LSP1: variants seen among roughly 807,000 people sequenced by gnomAD.
LSP1 encodes lymphocyte specific protein 1, also known as lymphocyte-specific protein 1.
In LSP1, 32 loss-of-function variants were observed where a neutral mutation model predicts 49.3. The ratio of observed to expected loss-of-function variants is 0.65; its 90% CI spans 0.49 to 0.87. LSP1 has a LOEUF of 0.87. LSP1 is among the 40% of genes least tolerant of loss of function. LSP1 has a pLI of 0.00. For synonymous variants in LSP1, 179 were observed against 178.8 expected (o/e 1.00, Z -0.01); for missense variants, 428 against 442.6 (o/e 0.97, Z 0.30).
At chr11:1,865,059 C>A in intron 1 of LSP1, 1 of 292,226 alleles carries the variant, frequency 3.4e-6, no homozygotes, top group Non-Finnish European at 5.1e-6. Context: ...GGCAGGAAAG[C>A]CAAGGAGAGC....
At chr11:1,872,040 C>A (rs1848040365) in intron 1 of LSP1, among the ~76,000 whole-genome samples, 1 of 139,618 alleles carries the variant, frequency 7.2e-6, no homozygotes, top group African/African-American at 2.7e-5. Flanking sequence ...GGCAGGCAGG[C>A]CTGGGCTATA....
chr11:1,861,034 TC>T (rs1376320295), intron 1 of LSP1, among the ~76,000 whole-genome samples: 1 of 152,194 alleles, frequency 6.6e-6, no homozygotes, highest in African/African-American at 2.4e-5. Flanking sequence ...GACAATTGAA[TC>T]CGTGCTGAGT....
Position 1,866,598 on chromosome 11 carries a change from GC to G in LSP1, c.53+13407del, listed in dbSNP as rs773152256. 5 of 1,549,716 alleles carry G rather than the reference GC, an allele frequency of 3.2e-6. No homozygotes were observed. The African/African-American group carries it at 5.5e-5, about 17-fold the overall frequency. ...TCATCCCAGCCTCCCCCTACCCCTG[GC>G]CCCCCATAAGCCTCCTCCTCCTGGG... On this transcript the variant is annotated intron_variant, in intron 1 of 10. Coordinates refer to ENST00000311604, the MANE Select transcript of LSP1 (RefSeq NM_002339.3).
At chr11:1,886,684 A>G (rs1848763653) in intron 7 of LSP1, 48 bp from the exon 8 acceptor site, 1 of 1,560,180 alleles carries the variant, frequency 6.4e-7, no homozygotes, top group Admixed American at 1.8e-5. Context: ...TGATGTGACC[A>G]CGGTGGCTGT....
Position 1,884,587 on chromosome 11 carries a change from A to T in LSP1, c.717+6A>T. On this transcript the variant is annotated splice_donor_region_variant and intron_variant, in intron 7 of 10. Transcript: ENST00000311604. This position sits in a 1 kb window ranked among gnomAD's most constrained non-coding sequence, Gnocchi z 4.1. ...AATACACCCAGGCCATCGAGGTATG[A>T]CCTGGCTCCCCTCTGCTGTCAGGTC... is the stretch of plus-strand genomic sequence containing the variant. The T allele has an allele frequency of 6.2e-7, 1 of 1,612,784 alleles. No homozygotes were observed.
At chr11:1,855,450 C>T (rs535609064) in intron 1 of LSP1, among the ~76,000 whole-genome samples, 1 of 152,336 alleles carries the variant, frequency 6.6e-6, no homozygotes, top group African/African-American at 2.4e-5. Context: ...GGCCAAGCCC[C>T]TCCAGCTGGA....
intron 3 of LSP1, 146 bp from the exon 4 acceptor site, chr11:1,883,273 T>A (rs1048900596): frequency 3.0e-6 from 3 of 994,064 alleles, no homozygotes; most frequent in African/African-American, 1.6e-5. Context: ...TCTTTCCCAA[T>A]GGGCTTGGGT....
At chr11:1,867,402 A>T (rs1847831114) in intron 1 of LSP1, among the ~76,000 whole-genome samples, 1 of 121,004 alleles carries the variant, frequency 8.3e-6, no homozygotes, top group Non-Finnish European at 1.6e-5. Flanking sequence ...TACTGCGCTC[A>T]CCACCACTGC....
At chr11:1,883,131 C>T (rs1449916243) in intron 3 of LSP1, among the ~76,000 whole-genome samples, 1 of 152,220 alleles carries the variant, frequency 6.6e-6, no homozygotes, top group Non-Finnish European at 1.5e-5. Flanking sequence ...GGGGATTGAA[C>T]CCAGCCTCAG....
chr11:1,869,900 T>G (rs941252132), intron 1 of LSP1, among the ~76,000 whole-genome samples: 1 of 151,892 alleles, frequency 6.6e-6, no homozygotes, highest in African/African-American at 2.4e-5. Flanking sequence ...GAGCAGCACC[T>G]CTTCTGGCCT....
intron 2 of LSP1, chr11:1,880,998 TG>T: frequency 6.5e-6 from 1 of 153,178 alleles, no homozygotes; most frequent in Non-Finnish European, 1.4e-5. Context: ...CCCAGAGTGA[TG>T]GGGGAGGCAC....
chr11:1,865,122 C>A, intron 1 of LSP1: 2 of 853,674 alleles, frequency 2.3e-6, no homozygotes, highest in Non-Finnish European at 2.8e-6. Context: ...GGAGGGCCAG[C>A]AGGACAGGAG....
At chr11:1,853,845 G>T (rs1352667833) in intron 1 of LSP1, among the ~76,000 whole-genome samples, 2 of 152,196 alleles carry the variant, frequency 1.3e-5, no homozygotes, top group Non-Finnish European at 2.9e-5. Context: ...GTGTAGGACT[G>T]CCAGAGCTGG....
chr11:1,865,192 A>G, intron 1 of LSP1: 1 of 985,854 alleles, frequency 1.0e-6, no homozygotes, highest in Non-Finnish European at 1.2e-6. Flanking sequence ...GCCTGAGCAG[A>G]GGCTGCAGCC....
intron 10 of LSP1, chr11:1,889,307 G>T: frequency 1.4e-6 from 1 of 706,460 alleles, no homozygotes; most frequent in South Asian, 1.5e-5. Context: ...GGCTGGCTGG[G>T]GTGTGCTCCC....
chr11:1,874,832 G>A (rs553435705), intron 1 of LSP1, among the ~76,000 whole-genome samples: 1 of 152,208 alleles, frequency 6.6e-6, no homozygotes, highest in South Asian at 2.1e-4. Context: ...GCTGCCCCAT[G>A]GTGAGGAAAC....
At chr11:1,882,091 C>CG in intron 3 of LSP1, among the ~76,000 whole-genome samples, 1 of 152,312 alleles carries the variant, frequency 6.6e-6, no homozygotes, top group Admixed American at 6.5e-5. Flanking sequence ...GCCGGAGAGT[C>CG]GGCCGGGAGG....
At chr11:1,890,310 G>A in intron 10 of LSP1, 3 of 711,440 alleles carry the variant, frequency 4.2e-6, no homozygotes, top group Non-Finnish European at 7.8e-6. Flanking sequence ...AAGGCGTGGG[G>A]CTTCGGCGGG....
chr11:1,873,500 T>G (rs1423526464), intron 1 of LSP1, among the ~76,000 whole-genome samples: 29 of 94,848 alleles, frequency 3.1e-4, no homozygotes, highest in Admixed American at 6.5e-4. Context: ...TAAGGAAAGA[T>G]GGAGGGAGGG....
Sources: gnomAD v4.1 joint callset for allele counts (sites outside exome capture counted in the v4.1 genomes callset) on GRCh38, gnomAD v4.1.1 for gene constraint, Gnocchi (gnomAD v3.1) non-coding constraint, MANE v1.5 for transcripts, NCBI Gene and HGNC (gene_info 2026-07-23, HGNC 2026-07-21) for gene names.